The following MCF2L variants were observed in gnomAD, a reference collection of about 807,000 sequenced individuals.
The protein encoded by MCF2L is MCF.2 cell line derived transforming sequence like.
A neutral mutation model predicts 153.4 loss-of-function variants in MCF2L; 97 were observed. The ratio of observed to expected loss-of-function variants is 0.63; its 90% confidence interval spans 0.54 to 0.75. MCF2L has a LOEUF of 0.75. MCF2L is among the 30% of genes least tolerant of loss of function. The probability of loss-of-function intolerance (pLI) is 0.00; values close to 1 mark genes in which losing one functional copy is unlikely to be tolerated. For synonymous variants in MCF2L, 659 were observed against 632.2 expected, an observed-to-expected ratio of 1.04 and a Z score of -0.64; for missense variants, 1,347 against 1,495.2, an observed-to-expected ratio of 0.90 and a Z score of 1.64.
chr13:113,066,922 G>A (rs922368336), intron 8 of MCF2L, among the ~76,000 whole-genome samples: 12 of 152,230 alleles, frequency 7.9e-5, no homozygotes, highest in East Asian at 1.9e-4. Flanking sequence ...CCCACGCAGC[G>A]TGGCCCACAC....
rs12100244 is a variant in MCF2L, at chr13:113,050,189, C to T, written c.369+4828C>T. Reference sequence around the variant, plus strand: ...GTGAGTGTGTGACTGTGTGTGTGTGCGAGCGAGTGGGAGTGTAAGTGAATG... The same window carrying T: ...GTGAGTGTGTGACTGTGTGTGTGTGTGAGCGAGTGGGAGTGTAAGTGAATG... On this transcript the variant is annotated intron_variant, in intron 4 of 29. Transcript: ENST00000535094. 7.4e-3 allele frequency among the ~76,000 whole-genome samples: 1,106 copies of T among 150,116 alleles called. 11 individuals carry two copies. The highest frequency in any genetic ancestry group is 0.026 in the African/African-American group (1,058 of 40,742).
chr13:113,058,392 T>C (rs7328336), intron 4 of MCF2L, among the ~76,000 whole-genome samples: 120,246 of 146,718 alleles, frequency 0.82, 49,121 homozygotes, highest in African/African-American at 0.88. Flanking sequence ...CTGAGTGTTT[T>C]GGTGCTGAGT....
At chr13:113,002,131 A>T in intron 1 of MCF2L, 13 of 972,854 alleles carry the variant, frequency 1.3e-5, no homozygotes, top group Non-Finnish European at 1.6e-5. Flanking sequence ...GATGCCGGGG[A>T]TGGATGTTGG....
intron 25 of MCF2L, among the ~76,000 whole-genome samples, chr13:113,089,177 C>T (rs1191244747): frequency 8.0e-6 from 1 of 125,126 alleles, no homozygotes; most frequent in Non-Finnish European, 1.7e-5. Flanking sequence ...CCGCCCCCCC[C>T]CCCGCCCCCC....
rs1348189491 is a variant in MCF2L, at chr13:113,064,281, C to A, written c.490-23C>A. 5 of 1,531,024 alleles carry A rather than the reference C, an allele frequency of 3.3e-6. No individual in the cohort carries two copies. In the Admixed American group the frequency reaches 8.3e-5, roughly 26 times the overall value. The allele number at this position is 1,531,024 out of a possible 1,614,324, so 94.8% of individuals were successfully genotyped here. ...AGCCAACAATAATCCCAAACACTAC[C>A]ACGCATTCCCTTTCTCCTCCAGGTC... On this transcript the variant is annotated intron_variant, in intron 5 of 29. Transcript: ENST00000535094. This position sits in a 1 kb window ranked among gnomAD's most constrained non-coding sequence, Gnocchi z 6.0.
chr13:112,996,412 C>A (rs1222479370), intron 1 of MCF2L, among the ~76,000 whole-genome samples: 1 of 152,316 alleles, frequency 6.6e-6, no homozygotes. Flanking sequence ...TGTAGTGACC[C>A]CGACACGCCA....
intron 2 of MCF2L, among the ~76,000 whole-genome samples, chr13:112,952,110 C>T (rs1048189666): frequency 3.3e-5 from 5 of 152,164 alleles, no homozygotes; most frequent in Admixed American, 2.6e-4. Flanking sequence ...ATTTCAGTGA[C>T]CTTGGTGTTG....
chr13:113,026,411 A>G (rs1297456939), intron 3 of MCF2L, among the ~76,000 whole-genome samples: 1 of 152,178 alleles, frequency 6.6e-6, no homozygotes, highest in Non-Finnish European at 1.5e-5. Context: ...TCTGCCTCAG[A>G]TCTGATCTGG....
intron 1 of MCF2L, among the ~76,000 whole-genome samples, chr13:112,987,930 T>C (rs907815904): frequency 6.6e-6 from 1 of 152,204 alleles, no homozygotes; most frequent in Non-Finnish European, 1.5e-5. Context: ...CACACACCCA[T>C]TGTCACAGTT....
At chr13:113,072,878 C>G (rs958732011) in intron 9 of MCF2L, among the ~76,000 whole-genome samples, 1 of 152,072 alleles carries the variant, frequency 6.6e-6, no homozygotes, top group African/African-American at 2.4e-5. Context: ...CTACAAATTG[C>G]TTTGGTGGGA....
In MCF2L at chr13:113,078,656, T is replaced by A; in HGVS notation, c.1735-10T>A. 6.2e-7 allele frequency: 1 copy of A among 1,611,524 alleles called. No individual in the cohort carries two copies. The highest frequency in any genetic ancestry group is 8.5e-7 in the Non-Finnish European group (1 of 1,179,382). On this transcript the variant is annotated splice_polypyrimidine_tract_variant and intron_variant, in intron 14 of 29. Coordinates refer to ENST00000535094, the MANE Select transcript of MCF2L (RefSeq NM_001112732.3). ...CCGCCTTTCAGACCTGACGCTGTTT[T>A]TCTCCCCAGAGTGAGATGAGTGAGA...
At chr13:112,919,018 C>G (rs1354538955) in intron 2 of MCF2L, among the ~76,000 whole-genome samples, 3 of 152,236 alleles carry the variant, frequency 2.0e-5, no homozygotes, top group African/African-American at 7.2e-5. Flanking sequence ...GACCTCTATG[C>G]TGACACCTGT....
At chr13:113,058,778 G>A (rs1284749093) in intron 4 of MCF2L, among the ~76,000 whole-genome samples, 2 of 137,564 alleles carry the variant, frequency 1.5e-5, no homozygotes, top group Non-Finnish European at 3.1e-5. Context: ...GTATTTGGGG[G>A]CTGAGTGGAC....
At chr13:112,994,195 G>A (rs890701135) in intron 1 of MCF2L, among the ~76,000 whole-genome samples, 5 of 148,694 alleles carry the variant, frequency 3.4e-5, no homozygotes, top group African/African-American at 7.5e-5. Flanking sequence ...GGGCAGGGGC[G>A]TGGCTGCCAA....
At chr13:112,989,402 G>A (rs369539994) in intron 1 of MCF2L, among the ~76,000 whole-genome samples, 3 of 106,034 alleles carry the variant, frequency 2.8e-5, no homozygotes, top group Admixed American at 1.9e-4. Context: ...GAGCTACCAC[G>A]CCCGAGTCCT....
At chr13:113,092,821 T>C (rs505964) in intron 26 of MCF2L, among the ~76,000 whole-genome samples, 151,061 of 152,364 alleles carry the variant, frequency 0.99, 74,902 homozygotes, top group South Asian at 1. Context: ...GCGCTCTTGA[T>C]GGCCCGCAGA....
chr13:112,951,779 T>C lies in MCF2L; in HGVS notation c.169+49408T>C, dbSNP rs994014463. On this transcript the variant is annotated intron_variant, in intron 2 of 29. Transcript: ENST00000375608. This position sits in a 1 kb window ranked among gnomAD's most constrained non-coding sequence, Gnocchi z 4.8. ...CAGTATGCTGGCTGCAGTCGTGTGC[T>C]GTAGTTTGGCAGGATGCTACCCCTG... Among the ~76,000 whole-genome samples, 2 of 152,156 alleles carry C rather than the reference T, an allele frequency of 1.3e-5. No homozygotes were observed. Among genetic ancestry groups the C allele is most frequent in the Admixed American group, 6.5e-5 (1 of 15,282 alleles).
intron 1 of MCF2L, chr13:112,979,702 G>C (rs145120816): frequency 6.2e-7 from 1 of 1,612,786 alleles, no homozygotes; most frequent in Admixed American, 1.7e-5. Context: ...GGAACCCTGC[G>C]GCGGCTGTGG....
chr13:112,922,571 G>T (rs3011490), intron 2 of MCF2L, among the ~76,000 whole-genome samples: 1 of 151,686 alleles, frequency 6.6e-6, no homozygotes, highest in Non-Finnish European at 1.5e-5. Context: ...AGTGGCTCAC[G>T]CCTGTAATCC....
Sources: gnomAD v4.1 joint callset for allele counts (sites outside exome capture counted in the v4.1 genomes callset) on GRCh38, gnomAD v4.1.1 for gene constraint, Gnocchi (gnomAD v3.1) non-coding constraint, MANE v1.5 for transcripts, NCBI Gene and HGNC (gene_info 2026-07-23, HGNC 2026-07-21) for gene names.